Variants in OTUD7A observed in about 807,000 individuals in gnomAD.
OTUD7A encodes the protein OTU deubiquitinase 7A.
Under a neutral mutation model 65.7 loss-of-function variants are expected in OTUD7A, and 12 were observed. The observed-to-expected ratio is 0.18, with a 90% confidence interval of 0.12 to 0.30. The LOEUF is 0.30. OTUD7A is among the 10% of genes least tolerant of loss of function. The pLI is 1.00. For missense variants in OTUD7A, 1,148 were observed against 1,304.8 expected, an observed-to-expected ratio of 0.88 and a Z score of 1.85; for synonymous variants, 641 against 586.3, an observed-to-expected ratio of 1.09 and a Z score of -1.35.
chr15:31,813,972 T>C (rs1480173702), intron 1 of OTUD7A, among the ~76,000 whole-genome samples: 1 of 152,074 alleles, frequency 6.6e-6, no homozygotes, highest in East Asian at 1.9e-4. Context: ...CTAAGACACA[T>C]GATCAGCCTG....
intron 3 of OTUD7A, among the ~76,000 whole-genome samples, chr15:31,582,891 G>A (rs117747302): frequency 6.6e-6 from 1 of 152,280 alleles, no homozygotes; most frequent in Non-Finnish European, 1.5e-5. Context: ...GGAGAAGGGA[G>A]GGAAAAGGAA....
chr15:31,527,327 G>A lies in OTUD7A; in HGVS notation c.653-19C>T. On this transcript the variant is annotated intron_variant, in intron 6 of 12. Transcript: ENST00000307050. ...CACATTCCTGGAGCCAGGAGGCCAG[G>A]GAGAACAGAGGAGAGAAAGGACATG... 2 of 1,611,826 alleles carry A rather than the reference G, an allele frequency of 1.2e-6. No homozygotes were observed. The highest frequency in any genetic ancestry group is 1.7e-6 in the Non-Finnish European group (2 of 1,178,882).
chr15:31,519,831 G>T (rs1226893214), intron 8 of OTUD7A, among the ~76,000 whole-genome samples: 1 of 152,190 alleles, frequency 6.6e-6, no homozygotes, highest in African/African-American at 2.4e-5. Flanking sequence ...CATAATGAAA[G>T]CAGTAGCATT....
At position 31,558,740 on chromosome 15, in the gene OTUD7A, A is replaced by G. The variant is rs373167314; in HGVS notation, c.550+229T>C. On this transcript the variant is annotated intron_variant, in intron 5 of 12. Coordinates refer to ENST00000307050, the MANE Select transcript of OTUD7A (RefSeq NM_001382637.1). Reference sequence around the variant, plus strand: ...ACTGGGATTTAGGAGCAAGGGGAAAACTCGAGAGATTTCAGCACCACCTAG... The same window carrying G: ...ACTGGGATTTAGGAGCAAGGGGAAAGCTCGAGAGATTTCAGCACCACCTAG... 5.1e-6 allele frequency: 3 copies of G among 591,306 alleles called. No individual in the cohort carries two copies. In the African/African-American group the frequency reaches 5.6e-5, roughly 11 times the overall value. 36.6% of individuals were successfully genotyped at this position (591,306 alleles called of 1,614,324 possible). A position where few individuals can be genotyped will look rare whatever the true frequency, so the allele number is the denominator to read the frequency against.
At chr15:31,591,291 G>C (rs937643730) in intron 3 of OTUD7A, among the ~76,000 whole-genome samples, 1 of 152,128 alleles carries the variant, frequency 6.6e-6, no homozygotes, top group Non-Finnish European at 1.5e-5. Flanking sequence ...GCTTGGAGTG[G>C]TCTGCAGCGG....
chr15:31,641,692 A>T (rs548713675), intron 3 of OTUD7A, among the ~76,000 whole-genome samples: 2 of 152,338 alleles, frequency 1.3e-5, no homozygotes, highest in South Asian at 4.1e-4. Context: ...TATTTTTAAA[A>T]TTTATTTTAA....
intron 1 of OTUD7A, among the ~76,000 whole-genome samples, chr15:31,796,726 G>A (rs951675004): frequency 2.0e-5 from 3 of 152,266 alleles, no homozygotes; most frequent in Non-Finnish European, 4.4e-5. Context: ...TATTTAGACA[G>A]AGCTTTCAAA....
At chr15:31,857,607 C>T (rs919375886) in intron 1 of OTUD7A, among the ~76,000 whole-genome samples, 5 of 152,274 alleles carry the variant, frequency 3.3e-5, no homozygotes, top group African/African-American at 4.8e-5. Flanking sequence ...CAGCCTGAGC[C>T]GGGCCCCTCG....
intron 1 of OTUD7A, among the ~76,000 whole-genome samples, chr15:31,822,547 C>T (rs1896708662): frequency 6.6e-6 from 1 of 152,110 alleles, no homozygotes; most frequent in East Asian, 1.9e-4. Flanking sequence ...CAGCCTGCAC[C>T]CCCAGCCTGG....
At chr15:31,834,033 A>T (rs999580782) in intron 1 of OTUD7A, among the ~76,000 whole-genome samples, 1 of 152,188 alleles carries the variant, frequency 6.6e-6, no homozygotes, top group Non-Finnish European at 1.5e-5. Context: ...GCTTCCTATG[A>T]TGTTTTTTCT....
At chr15:31,676,354 G>A (rs1892594868) in intron 1 of OTUD7A, among the ~76,000 whole-genome samples, 1 of 151,980 alleles carries the variant, frequency 6.6e-6, no homozygotes, top group Non-Finnish European at 1.5e-5. Context: ...CTTAATACAT[G>A]GGCTGATGAT....
rs560911771 is a variant in OTUD7A at position 31,729,517 on chromosome 15, T to C, written c.-99-72440A>G. ...ACATGGCTACTGAGTGTGGCCCTTT[T>C]TTGGTTTTCCTTTTAAAGTTAAAAC... On this transcript the variant is annotated intron_variant, in intron 1 of 12. Transcript: ENST00000307050. Among the ~76,000 whole-genome samples, 8 of 152,342 alleles carry C rather than the reference T, an allele frequency of 5.3e-5. No individual in the cohort carries two copies. In the East Asian group the frequency reaches 1.5e-3, roughly 29 times the overall value.
At chr15:31,811,198 G>T (rs1212965748) in intron 1 of OTUD7A, among the ~76,000 whole-genome samples, 1 of 152,168 alleles carries the variant, frequency 6.6e-6, no homozygotes, top group Non-Finnish European at 1.5e-5. Context: ...TAGCTAGGGA[G>T]AGACAGTGAT....
Position 31,483,536 on chromosome 15 carries a change from T to C in OTUD7A, c.2560A>G (p.Lys854Glu). Reference sequence around the variant, plus strand: ...AAGCCGTTGGTGTAGGTCTGCGACTTGTGCTCGGCCGCCCCCGCCGTCCCC... The same window carrying C: ...AAGCCGTTGGTGTAGGTCTGCGACTCGTGCTCGGCCGCCCCCGCCGTCCCC... ...AAGTAGAAEH[K>E]SQTYTNGFGA... The change falls in exon 13 of 13, where the codon AAG becomes GAG. Residue 854 changes from lysine (K) to glutamate (E), a missense_variant. Lys to Glu is a moderately conservative substitution (Grantham distance 56). This residue lies in a region of OTUD7A where 842 missense variants were observed against 769.5 expected (regional missense o/e 1.09). Transcript: ENST00000307050. 1 of 1,344,566 alleles carries C rather than the reference T, an allele frequency of 7.4e-7. No homozygotes were observed. The highest frequency in any genetic ancestry group is 9.6e-7 in the Non-Finnish European group (1 of 1,043,438). 83.3% of individuals were successfully genotyped at this position (1,344,566 alleles called of 1,614,324 possible).
At chr15:31,844,843 T>G (rs1285448163) in intron 1 of OTUD7A, among the ~76,000 whole-genome samples, 1 of 152,228 alleles carries the variant, frequency 6.6e-6, no homozygotes, top group African/African-American at 2.4e-5. Flanking sequence ...CCAGGAACAG[T>G]GCAAATCCTT....
intron 1 of OTUD7A, among the ~76,000 whole-genome samples, chr15:31,665,042 G>A (rs1438639331): frequency 1.1e-4 from 16 of 152,272 alleles, no homozygotes; most frequent in South Asian, 2.1e-4. Context: ...CCAGTACCAC[G>A]CTGTTTTGGT....
At chr15:31,811,442 G>A (rs145974071) in intron 1 of OTUD7A, among the ~76,000 whole-genome samples, 1 of 151,902 alleles carries the variant, frequency 6.6e-6, no homozygotes, top group Non-Finnish European at 1.5e-5. Flanking sequence ...GTGAGTGTGT[G>A]CTTTGTATGT....
rs1192361404 is a variant in OTUD7A, at chr15:31,475,492, T to C, written c.*7802A>G. On this transcript the variant is annotated 3_prime_UTR_variant, in exon 13 of 13. Coordinates refer to ENST00000307050, the MANE Select transcript of OTUD7A (RefSeq NM_001382637.1). ...CCATGTCACACAGATTACAGAGCTA[T>C]TTTTACTTGAAATAATCTTTCATAA... 6.6e-6 allele frequency: 1 copy of C among 152,232 alleles called. No homozygotes were observed. Among genetic ancestry groups the C allele is most frequent in the Admixed American group, 6.5e-5 (1 of 15,286 alleles). The allele number at this position is 152,232 out of a possible 1,614,324, so 9.4% of individuals were successfully genotyped here. A position where few individuals can be genotyped will look rare whatever the true frequency, so the allele number is the denominator to read the frequency against.
chr15:31,540,180 G>A lies in OTUD7A; in HGVS notation c.551-9372C>T, dbSNP rs72726917. On this transcript the variant is annotated intron_variant, in intron 5 of 12. Transcript: ENST00000307050. ...GAAGCTAATAGGTGACTTCTCTGAA[G>A]TGTCTTCTGTCAATCCCCTCTACAC... is the stretch of plus-strand genomic sequence containing the variant. Among the ~76,000 whole-genome samples the A allele has an allele frequency of 3.5e-3, 538 of 152,264 alleles. 2 individuals are homozygous for A. Among genetic ancestry groups the A allele is most frequent in the Non-Finnish European group, 5.5e-3 (373 of 68,012 alleles).
Sources: allele counts gnomAD v4.1 joint callset (sites outside exome capture counted in the v4.1 genomes callset), GRCh38; gene constraint gnomAD v4.1.1; regional missense constraint gnomAD v4.1.1; transcripts MANE v1.5; gene names NCBI Gene and HGNC (gene_info 2026-07-23, HGNC 2026-07-21).